Variants in ANKRD55 observed in about 807,000 individuals in gnomAD.
ANKRD55 encodes the protein ankyrin repeat domain-containing protein 55.
ANKRD55 carries 41 observed loss-of-function variants against 60.6 expected under a neutral mutation model. The ratio of observed to expected loss-of-function variants is 0.68; its 90% CI spans 0.53 to 0.88. ANKRD55 has a LOEUF of 0.88. Ranked by LOEUF, ANKRD55 falls within the 40% of genes least tolerant of loss-of-function variation. The pLI is 0.00. For missense variants in ANKRD55, 732 were observed against 767.6 expected, an observed-to-expected ratio of 0.95 and a Z score of 0.55; for synonymous variants, 264 against 290.3, an observed-to-expected ratio of 0.91 and a Z score of 0.92.
At chr5:56,193,027 A>C in intron 2 of ANKRD55, 1 of 986,718 alleles carries the variant, frequency 1.0e-6, no homozygotes, top group Non-Finnish European at 1.5e-6. Context: ...ATCATTTAGA[A>C]GATGCTGATT....
intron 9 of ANKRD55, chr5:56,114,228 C>T (rs7734480): frequency 0.19 from 31,302 of 167,218 alleles, 4,821 homozygotes; most frequent in African/African-American, 0.43. Context: ...CTCTGGAGGC[C>T]GAGACAGGAG....
intron 9 of ANKRD55, among the ~76,000 whole-genome samples, chr5:56,113,986 C>CTATATA (rs3055156): frequency 0.01 from 1,429 of 139,048 alleles, 10 homozygotes; most frequent in East Asian, 0.033. Flanking sequence ...AATATGTATA[C>CTATATA]TATATATATA....
intron 11 of ANKRD55, 129 bp from the exon 12 acceptor site, chr5:56,100,433 G>T: frequency 9.4e-7 from 1 of 1,060,146 alleles, no homozygotes; most frequent in Non-Finnish European, 1.4e-6. Flanking sequence ...GAGCTAGACT[G>T]CAGAGAGAAG....
chr5:56,118,598 T>C (rs1237510847), intron 8 of ANKRD55, among the ~76,000 whole-genome samples: 2 of 151,838 alleles, frequency 1.3e-5, no homozygotes, highest in Admixed American at 1.3e-4. Flanking sequence ...CACTCCAGCC[T>C]GGGCAACAGA....
chr5:56,183,469 A>G, intron 3 of ANKRD55, 43 bp downstream of exon 3: 1 of 1,608,412 alleles, frequency 6.2e-7, no homozygotes, highest in Non-Finnish European at 8.5e-7. Context: ...CTCTAAAAAA[A>G]TAGAGCAGAA....
At position 56,182,400 on chromosome 5, in the gene ANKRD55, G is replaced by A. The variant is rs555337880; in HGVS notation, c.181+1112C>T. ...ATTCACTGAGTTTTACCATTGTGATGATTGTATTTTTGATTTTTAAAAATT... is the reference window on the plus strand; with the variant it reads ...ATTCACTGAGTTTTACCATTGTGATAATTGTATTTTTGATTTTTAAAAATT... On this transcript the variant is annotated intron_variant, in intron 3 of 11. Coordinates refer to ENST00000341048, the MANE Select transcript of ANKRD55 (RefSeq NM_024669.3). 1.1e-4 allele frequency among the ~76,000 whole-genome samples: 17 copies of A among 152,212 alleles called. No homozygotes were observed. In the South Asian group the frequency reaches 2.5e-3, roughly 22 times the overall value.
intron 2 of ANKRD55, 38 bp downstream of exon 2, chr5:56,232,818 T>G (rs1306037173): frequency 6.3e-7 from 1 of 1,595,278 alleles, no homozygotes; most frequent in Non-Finnish European, 8.6e-7. Context: ...AGACTAAGGA[T>G]GCTAACAACC....
In ANKRD55 at chr5:56,134,109, AGGT is replaced by A. The variant is rs1757493792; in HGVS notation, c.613-7006_613-7004del. ...ATTACTTAATATCAGAAATGAAAAA[AGGT>A]ACTTCACTACAGATCCCATGGACAT... On this transcript the variant is annotated intron_variant, in intron 7 of 11. Transcript: ENST00000341048. Among the ~76,000 whole-genome samples the A allele has an allele frequency of 1.7e-5, 2 of 114,722 alleles. 1 individual carries two copies. The highest frequency in any genetic ancestry group is 4.1e-5 in the Non-Finnish European group (2 of 48,544). 75.3% of individuals were successfully genotyped at this position (114,722 alleles called of 152,430 possible).
chr5:56,205,298 T>G (rs777434242), intron 2 of ANKRD55, among the ~76,000 whole-genome samples: 2 of 152,188 alleles, frequency 1.3e-5, no homozygotes, highest in Non-Finnish European at 2.9e-5. Context: ...TGACCTCAAG[T>G]GATCCACCTG....
At chr5:56,139,937 T>A (rs889140302) in intron 7 of ANKRD55, among the ~76,000 whole-genome samples, 6 of 152,086 alleles carry the variant, frequency 3.9e-5, no homozygotes, top group Non-Finnish European at 7.4e-5. Flanking sequence ...GGCATGGTGG[T>A]GTGTGCCTGT....
intron 8 of ANKRD55, among the ~76,000 whole-genome samples, chr5:56,121,777 A>G (rs1757071940): frequency 6.6e-6 from 1 of 152,212 alleles, no homozygotes; most frequent in South Asian, 2.1e-4. Flanking sequence ...CCCAACAAGA[A>G]GGTCGAATAA....
intron 7 of ANKRD55, among the ~76,000 whole-genome samples, chr5:56,141,512 A>G (rs966738468): frequency 5.3e-5 from 8 of 152,214 alleles, no homozygotes; most frequent in African/African-American, 1.9e-4. Flanking sequence ...AGATTATTCC[A>G]TTGTGCAGAC....
At chr5:56,160,026 T>A (rs1411854294) in intron 5 of ANKRD55, 133 bp from the exon 6 acceptor site, 10 of 685,282 alleles carry the variant, frequency 1.5e-5, no homozygotes, top group Non-Finnish European at 2.3e-5. Context: ...CCCTTTCCGT[T>A]TCTCTGGGAA....
chr5:56,177,301 A>C (rs1392965371), intron 3 of ANKRD55, among the ~76,000 whole-genome samples: 1 of 152,132 alleles, frequency 6.6e-6, no homozygotes, highest in Non-Finnish European at 1.5e-5. Context: ...ACTGGGAAAA[A>C]GCAGCAATGA....
chr5:56,229,441 G>A (rs536699109), intron 2 of ANKRD55, among the ~76,000 whole-genome samples: 34 of 152,222 alleles, frequency 2.2e-4, no homozygotes, highest in African/African-American at 7.0e-4. Context: ...CATGCCCCTG[G>A]CCAGTCAAAT....
intron 6 of ANKRD55, among the ~76,000 whole-genome samples, chr5:56,156,753 T>C (rs1215356419): frequency 6.6e-6 from 1 of 152,202 alleles, no homozygotes; most frequent in Non-Finnish European, 1.5e-5. Context: ...ACCTCATCTC[T>C]GGTTCTCATC....
chr5:56,185,970 G>A (rs990483046), intron 2 of ANKRD55, among the ~76,000 whole-genome samples: 3 of 152,128 alleles, frequency 2.0e-5, no homozygotes, highest in Admixed American at 6.5e-5. Flanking sequence ...TGTTGTTTTC[G>A]TTTGTTTGTT....
intron 2 of ANKRD55, among the ~76,000 whole-genome samples, chr5:56,195,345 G>A (rs1350430837): frequency 6.6e-6 from 1 of 152,164 alleles, no homozygotes; most frequent in Non-Finnish European, 1.5e-5. Context: ...GACTTTCTAT[G>A]AGATTATCTT....
intron 2 of ANKRD55, among the ~76,000 whole-genome samples, chr5:56,211,238 C>G (rs568527218): frequency 6.6e-6 from 1 of 152,344 alleles, no homozygotes; most frequent in African/African-American, 2.4e-5. Context: ...CTCCGAGTCT[C>G]TATAAGAGCA....
Sources: gnomAD v4.1 joint callset for allele counts (sites outside exome capture counted in the v4.1 genomes callset) on GRCh38, gnomAD v4.1.1 for gene constraint, MANE v1.5 for transcripts, NCBI Gene and HGNC (gene_info 2026-07-23, HGNC 2026-07-21) for gene names.